RBMS3: variants seen among roughly 807,000 people sequenced by gnomAD.
RBMS3 encodes the protein RNA binding motif single stranded interacting protein 3.
A neutral mutation model predicts 66.8 loss-of-function variants in RBMS3; 27 were observed. That is an observed-to-expected ratio of 0.40 (90% confidence interval 0.30 to 0.56). The LOEUF (loss-of-function observed/expected upper bound fraction) is 0.56, where lower values mean the gene tolerates loss of function less well. Among genes scored for constraint, RBMS3 ranks in the 20% least tolerant of loss-of-function variants. The pLI is 0.40. For missense variants in RBMS3, 513 were observed against 549.5 expected, an observed-to-expected ratio of 0.93 and a Z score of 0.66; for synonymous variants, 188 against 183.0, an observed-to-expected ratio of 1.03 and a Z score of -0.22.
At chr3:29,892,700 A>G (rs975258102) in intron 8 of RBMS3, among the ~76,000 whole-genome samples, 1 of 151,512 alleles carries the variant, frequency 6.6e-6, no homozygotes, top group Non-Finnish European at 1.5e-5. Context: ...TGCATAATGC[A>G]TATATTACCA....
chr3:29,926,754 C>T (rs1422924287), intron 10 of RBMS3: 1 of 152,170 alleles, frequency 6.6e-6, no homozygotes, highest in Non-Finnish European at 1.5e-5. Flanking sequence ...TTTGCCTTAT[C>T]ATTTGGAAGA....
intron 6 of RBMS3, among the ~76,000 whole-genome samples, chr3:29,859,453 T>C (rs1163343279): frequency 6.6e-6 from 1 of 152,194 alleles, no homozygotes. Context: ...CACTTAGATA[T>C]CAAAAGAACT....
chr3:29,607,098 G>A (rs1434576928), intron 4 of RBMS3, among the ~76,000 whole-genome samples: 1 of 151,882 alleles, frequency 6.6e-6, no homozygotes, highest in Non-Finnish European at 1.5e-5. Flanking sequence ...TTCTGTGTGG[G>A]TTTCAGAATT....
intron 7 of RBMS3, among the ~76,000 whole-genome samples, chr3:29,875,170 T>C (rs564957930): frequency 6.6e-6 from 1 of 152,266 alleles, no homozygotes; most frequent in Admixed American, 6.5e-5. Flanking sequence ...TCTGGAGTTG[T>C]TGGTAGTGTC....
At chr3:29,945,457 A>C (rs11708584) in intron 12 of RBMS3, among the ~76,000 whole-genome samples, 8 of 151,508 alleles carry the variant, frequency 5.3e-5, no homozygotes, top group Non-Finnish European at 1.0e-4. Context: ...TAAGGTCTCT[A>C]CAATAAATTG....
intron 3 of RBMS3, among the ~76,000 whole-genome samples, chr3:29,573,953 T>G (rs978285540): frequency 6.6e-6 from 1 of 152,188 alleles, no homozygotes; most frequent in African/African-American, 2.4e-5. Flanking sequence ...TTTTTAAATG[T>G]TTTAAGGTTT....
In RBMS3 at chr3:29,606,061, A is replaced by T. The variant is rs150384259; in HGVS notation, c.399+18856A>T. 2.4e-3 allele frequency among the ~76,000 whole-genome samples: 362 copies of T among 150,422 alleles called. 2 individuals are homozygous for T. Among genetic ancestry groups the T allele is most frequent in the African/African-American group, 8.6e-3 (352 of 40,944 alleles). On this transcript the variant is annotated intron_variant, in intron 4 of 14. Coordinates refer to ENST00000383767, the MANE Select transcript of RBMS3 (RefSeq NM_001003793.3). ...GGTGAAACTCACAGTTTACAGTTTGACCTTTCTTAGTAAGTAGGAGTTTTG... is the reference window on the plus strand; with the variant it reads ...GGTGAAACTCACAGTTTACAGTTTGTCCTTTCTTAGTAAGTAGGAGTTTTG...
rs1173269599 is a variant in RBMS3, at chr3:29,494,945, G to T, written c.307+6446G>T. On this transcript the variant is annotated intron_variant, in intron 3 of 14. Transcript: ENST00000383767. Reference sequence around the variant, plus strand: ...CAAACATACCAGCTCACTTCTGAGGGTTTGAAATACTCTCTTTTGCCTTTG... The same window carrying T: ...CAAACATACCAGCTCACTTCTGAGGTTTTGAAATACTCTCTTTTGCCTTTG... Among the ~76,000 whole-genome samples, 11 of 151,598 alleles carry T rather than the reference G, an allele frequency of 7.3e-5. No homozygotes were observed. The East Asian group carries it at 1.5e-3, about 21-fold the overall frequency.
intron 5 of RBMS3, among the ~76,000 whole-genome samples, chr3:29,749,930 A>T (rs1162932363): frequency 6.6e-6 from 1 of 152,192 alleles, no homozygotes; most frequent in African/African-American, 2.4e-5. Flanking sequence ...ACTCATTATT[A>T]GTTTCCATAT....
intron 3 of RBMS3, among the ~76,000 whole-genome samples, chr3:29,532,371 A>T (rs936536534): frequency 6.6e-6 from 1 of 151,104 alleles, no homozygotes; most frequent in African/African-American, 2.4e-5. Flanking sequence ...AGTTTTCAAC[A>T]TACATTTCTT....
At chr3:29,679,270 G>A (rs1220025405) in intron 4 of RBMS3, among the ~76,000 whole-genome samples, 4 of 151,826 alleles carry the variant, frequency 2.6e-5, no homozygotes, top group East Asian at 1.9e-4. Flanking sequence ...TTTATTTTTC[G>A]ACTCAACATA....
intron 6 of RBMS3, among the ~76,000 whole-genome samples, chr3:29,816,370 A>T (rs75369736): frequency 4.1e-4 from 62 of 151,382 alleles, no homozygotes; most frequent in African/African-American, 1.5e-3. Flanking sequence ...ACAGACCTCC[A>T]TCATATGACC....
chr3:29,449,001 T>TA (rs2125755570), intron 2 of RBMS3, among the ~76,000 whole-genome samples: 1 of 152,230 alleles, frequency 6.6e-6, no homozygotes, highest in South Asian at 2.1e-4. Flanking sequence ...AACTAGACCT[T>TA]ACTCACTAGA....
chr3:29,779,125 T>G (rs1293802976), intron 6 of RBMS3, among the ~76,000 whole-genome samples: 2 of 152,016 alleles, frequency 1.3e-5, no homozygotes, highest in Admixed American at 6.6e-5. Flanking sequence ...GGCCATCCCT[T>G]TGACCCAAGC....
In RBMS3 at chr3:30,010,036, ATATG is replaced by A. The variant is rs1559888873; in HGVS notation, c.*6177_*6180del. ...AAATGGAATCTTAATTTAAAAAAAT[ATATG>A]TAGTAGTATCTGCTATGAGATATTC... On this transcript the variant is annotated 3_prime_UTR_variant, in exon 15 of 15. Coordinates refer to ENST00000383767, the MANE Select transcript of RBMS3 (RefSeq NM_001003793.3). 6.6e-6 allele frequency: 1 copy of A among 152,002 alleles called. No homozygotes were observed. The highest frequency in any genetic ancestry group is 1.5e-5 in the Non-Finnish European group (1 of 67,998). The allele number at this position is 152,002 out of a possible 1,614,324, so 9.4% of individuals were successfully genotyped here.
chr3:29,722,747 C>T (rs184509180), intron 4 of RBMS3, among the ~76,000 whole-genome samples: 10 of 152,034 alleles, frequency 6.6e-5, no homozygotes, highest in African/African-American at 9.6e-5. Context: ...TGATTAGGTT[C>T]GGGTTATGCC....
chr3:29,386,695 G>A lies in RBMS3; in HGVS notation c.76-48048G>A, dbSNP rs149887023. On this transcript the variant is annotated intron_variant, in intron 1 of 14. Transcript: ENST00000383767. Reference sequence around the variant, plus strand: ...CATCTTAAGAGAAAAAAAGCTCTTGGCTCCATTTCATTTTCAGTGACTGCC... The same window carrying A: ...CATCTTAAGAGAAAAAAAGCTCTTGACTCCATTTCATTTTCAGTGACTGCC... Among the ~76,000 whole-genome samples, 371 of 152,170 alleles carry A rather than the reference G, an allele frequency of 2.4e-3. 5 individuals are homozygous for A. Among genetic ancestry groups the A allele is most frequent in the African/African-American group, 8.6e-3 (356 of 41,504 alleles).
In RBMS3 at chr3:29,476,734, C is replaced by A. The variant is rs140883420; in HGVS notation, c.249-11707C>A. Among the ~76,000 whole-genome samples the A allele has an allele frequency of 5.5e-3, 841 of 152,054 alleles. 5 individuals are homozygous for A. The highest frequency in any genetic ancestry group is 0.019 in the African/African-American group (805 of 41,488). ...CTTGATTTTATCTTTTCTGCTTTTTCTATGTATGTAATTTTTAAAAAAAAA... is the reference window on the plus strand; with the variant it reads ...CTTGATTTTATCTTTTCTGCTTTTTATATGTATGTAATTTTTAAAAAAAAA... On this transcript the variant is annotated intron_variant, in intron 2 of 14. Coordinates refer to ENST00000383767, the MANE Select transcript of RBMS3 (RefSeq NM_001003793.3).
chr3:29,999,835 C>T (rs939832048), intron 14 of RBMS3, among the ~76,000 whole-genome samples: 1 of 151,886 alleles, frequency 6.6e-6, no homozygotes, highest in African/African-American at 2.4e-5. Flanking sequence ...GTGCAGCACA[C>T]CAACATGGCA....
Sources: allele counts gnomAD v4.1 joint callset (sites outside exome capture counted in the v4.1 genomes callset), GRCh38; gene constraint gnomAD v4.1.1; transcripts MANE v1.5; gene names NCBI Gene and HGNC (gene_info 2026-07-23, HGNC 2026-07-21).